The following LMBR1 variants were observed in gnomAD, a reference collection of about 807,000 sequenced individuals.
LMBR1 encodes limb development membrane protein 1.
LMBR1 carries 52 observed loss-of-function variants against 73.9 expected under a neutral mutation model. The observed-to-expected ratio is 0.70, with a 90% CI of 0.56 to 0.89. The LOEUF is 0.89. LMBR1 is among the 40% of genes least tolerant of loss of function. LMBR1 has a pLI of 0.00. For synonymous variants in LMBR1, 215 were observed against 209.4 expected, an observed-to-expected ratio of 1.03 and a Z score of -0.23; for missense variants, 539 against 579.8, an observed-to-expected ratio of 0.93 and a Z score of 0.72.
chr7:156,831,674 G>A (rs946224497), intron 3 of LMBR1, among the ~76,000 whole-genome samples: 1 of 152,132 alleles, frequency 6.6e-6, no homozygotes, highest in African/African-American at 2.4e-5. Flanking sequence ...CCCCTCGCAC[G>A]TGCTGTGCCA....
intron 9 of LMBR1, among the ~76,000 whole-genome samples, chr7:156,751,126 T>A (rs560803441): frequency 6.6e-6 from 1 of 152,040 alleles, no homozygotes; most frequent in South Asian, 2.1e-4. Flanking sequence ...TATAATTAAA[T>A]AAATAAATCC....
intron 2 of LMBR1, among the ~76,000 whole-genome samples, chr7:156,836,507 C>T (rs1837666167): frequency 6.6e-6 from 1 of 152,140 alleles, no homozygotes; most frequent in South Asian, 2.1e-4. Context: ...AAAGTCAGAG[C>T]CGCTCACAAG....
At chr7:156,739,988 A>G (rs2132574792) in intron 9 of LMBR1, among the ~76,000 whole-genome samples, 1 of 152,316 alleles carries the variant, frequency 6.6e-6, no homozygotes, top group East Asian at 1.9e-4. Context: ...GGAAACTCAA[A>G]GAAATTCAAG....
intron 4 of LMBR1, among the ~76,000 whole-genome samples, chr7:156,817,386 A>C (rs1834079580): frequency 6.6e-6 from 1 of 152,186 alleles, no homozygotes; most frequent in Admixed American, 6.5e-5. Context: ...ATTTTTAAAA[A>C]TTCTACCAAC....
intron 1 of LMBR1, among the ~76,000 whole-genome samples, chr7:156,838,338 A>C (rs1324136417): frequency 6.6e-6 from 1 of 152,100 alleles, no homozygotes; most frequent in Non-Finnish European, 1.5e-5. Context: ...TACCTAACTG[A>C]AATTTTGTAC....
At chr7:156,747,860 G>A (rs1255517429) in intron 9 of LMBR1, 1 of 152,094 alleles carries the variant, frequency 6.6e-6, no homozygotes, top group Non-Finnish European at 1.5e-5. Context: ...TGTTGTTAAA[G>A]CCCAAATCTC....
Position 156,685,042 on chromosome 7 carries a change from T to C in LMBR1, c.1388-879A>G, listed in dbSNP as rs776557141. ...AAAGCCACAGCCAAATATTAATATGTAATTAAAAAGAAAAGAATGGAAAAC... is the reference window on the plus strand; with the variant it reads ...AAAGCCACAGCCAAATATTAATATGCAATTAAAAAGAAAAGAATGGAAAAC... On this transcript the variant is annotated intron_variant, in intron 16 of 16. Coordinates refer to ENST00000353442, the MANE Select transcript of LMBR1 (RefSeq NM_022458.4). This position sits in a 1 kb window ranked among gnomAD's most constrained non-coding sequence, Gnocchi z 4.1. Among the ~76,000 whole-genome samples the C allele has an allele frequency of 2.2e-4, 33 of 151,820 alleles. No homozygotes were observed. Among genetic ancestry groups the C allele is most frequent in the Non-Finnish European group, 1.5e-4 (10 of 67,910 alleles).
intron 5 of LMBR1, among the ~76,000 whole-genome samples, chr7:156,781,374 A>C (rs1827109014): frequency 6.6e-6 from 1 of 151,772 alleles, no homozygotes; most frequent in Non-Finnish European, 1.5e-5. Flanking sequence ...TCCTGCTCTC[A>C]CTCCAGACTA....
At chr7:156,837,881 G>A (rs961328059) in intron 1 of LMBR1, among the ~76,000 whole-genome samples, 3 of 149,644 alleles carry the variant, frequency 2.0e-5, no homozygotes, top group African/African-American at 7.4e-5. Flanking sequence ...CCGCCTCCCA[G>A]ATTCAAGCGA....
chr7:156,671,677 G>A (rs1432420035), intron 4 of LMBR1, among the ~76,000 whole-genome samples: 2 of 152,190 alleles, frequency 1.3e-5, no homozygotes, highest in Non-Finnish European at 2.9e-5. Context: ...CGGTCCTGTC[G>A]CCCAGCTCAT....
chr7:156,884,129 T>C (rs1304407887), intron 1 of LMBR1, among the ~76,000 whole-genome samples: 3 of 152,320 alleles, frequency 2.0e-5, no homozygotes, highest in East Asian at 3.9e-4. Flanking sequence ...TTGTTTCTAA[T>C]ACATCATTCC....
intron 15 of LMBR1, among the ~76,000 whole-genome samples, chr7:156,718,990 ATTATTATTATACTT>A (rs1813855922): frequency 6.6e-6 from 1 of 151,646 alleles, no homozygotes; most frequent in Non-Finnish European, 1.5e-5. Context: ...TGATTTTTTT[ATTATTATTATACTT>A]TAAGTTTTAG....
intron 16 of LMBR1, among the ~76,000 whole-genome samples, 181 bp from the exon 17 acceptor site, chr7:156,684,344 G>C (rs1805568103): frequency 6.6e-6 from 1 of 152,190 alleles, no homozygotes; most frequent in Non-Finnish European, 1.5e-5. Flanking sequence ...TCCCTTTGGG[G>C]ATGGCCTAAG....
intron 1 of LMBR1, among the ~76,000 whole-genome samples, chr7:156,845,337 T>C (rs1839417352): frequency 6.6e-6 from 1 of 152,018 alleles, no homozygotes; most frequent in Admixed American, 6.6e-5. Context: ...TCCAAATAAA[T>C]AAATAATAAG....
chr7:156,828,749 A>G (rs1836130609), intron 3 of LMBR1, among the ~76,000 whole-genome samples: 1 of 152,234 alleles, frequency 6.6e-6, no homozygotes, highest in Admixed American at 6.5e-5. Context: ...AGGATCCTTG[A>G]TTTATGAGTC....
chr7:156,719,250 C>A (rs192111535), intron 15 of LMBR1, among the ~76,000 whole-genome samples: 1 of 150,364 alleles, frequency 6.7e-6, no homozygotes, highest in East Asian at 2.0e-4. Context: ...TTTGTCCCTG[C>A]GATAGTTTAC....
chr7:156,669,670 A>G lies in LMBR1; in HGVS notation n.867-383T>C, dbSNP rs7776665. Among the ~76,000 whole-genome samples, 4,689 of 152,256 alleles carry G rather than the reference A, an allele frequency of 0.031. 232 individuals are homozygous for G. The highest frequency in any genetic ancestry group is 0.11 in the African/African-American group (4,456 of 41,528). Reference sequence around the variant, plus strand: ...GGAAACTGCCCTCAGAGCCCCGGGGATGCGAGGTCAGCAGCTGGGACCCAG... The same window carrying G: ...GGAAACTGCCCTCAGAGCCCCGGGGGTGCGAGGTCAGCAGCTGGGACCCAG... On this transcript the variant is annotated intron_variant and non_coding_transcript_variant, in intron 4 of 4. Transcript: ENST00000430825. The surrounding 1 kb of genome is among the most constrained non-coding windows in gnomAD (Gnocchi z 4.2).
chr7:156,797,413 G>A (rs78284968), intron 4 of LMBR1, among the ~76,000 whole-genome samples: 4,847 of 152,226 alleles, frequency 0.032, 124 homozygotes, highest in South Asian at 0.085. Context: ...TAAAATTTAC[G>A]TCAAGGATAA....
chr7:156,701,449 T>C (rs966908512), intron 15 of LMBR1, among the ~76,000 whole-genome samples: 3 of 152,310 alleles, frequency 2.0e-5, no homozygotes, highest in South Asian at 2.1e-4. Context: ...ATGGTACATA[T>C]TGTATGATTT....
Sources: gnomAD v4.1 joint callset for allele counts (sites outside exome capture counted in the v4.1 genomes callset) on GRCh38, gnomAD v4.1.1 for gene constraint, Gnocchi (gnomAD v3.1) non-coding constraint, MANE v1.5 for transcripts, NCBI Gene and HGNC (gene_info 2026-07-23, HGNC 2026-07-21) for gene names.